Variants in EPB41L1 observed in about 807,000 individuals in gnomAD.
EPB41L1 encodes erythrocyte membrane protein band 4.1 like 1.
EPB41L1 carries 29 observed loss-of-function variants against 97.8 expected under a neutral mutation model. The ratio of observed to expected loss-of-function variants is 0.30; its 90% CI spans 0.22 to 0.40. The LOEUF (loss-of-function observed/expected upper bound fraction) is 0.40, where lower values mean the gene tolerates loss of function less well. Ranked by LOEUF, EPB41L1 falls within the 10% of genes least tolerant of loss-of-function variation. The pLI is 1.00. For missense variants in EPB41L1, 812 were observed against 1,162.3 expected, an observed-to-expected ratio of 0.70 and a Z score of 4.38; for synonymous variants, 383 against 459.2, an observed-to-expected ratio of 0.83 and a Z score of 2.12.
chr20:36,184,928 A>G (rs1471719986), intron 6 of EPB41L1, among the ~76,000 whole-genome samples, 189 bp from the exon 7 acceptor site: 2 of 152,256 alleles, frequency 1.3e-5, no homozygotes, highest in Admixed American at 1.3e-4. Flanking sequence ...AAAAATGCTT[A>G]AAGTCATGTG....
intron 1 of EPB41L1, among the ~76,000 whole-genome samples, chr20:36,166,863 C>CA (rs199803008): frequency 4.7e-5 from 7 of 149,996 alleles, no homozygotes; most frequent in South Asian, 2.1e-4. Flanking sequence ...AGACTGTCTC[C>CA]AAAAAAAAAG....
At chr20:36,222,003 G>A in intron 20 of EPB41L1, 59 bp downstream of exon 20, 1 of 1,565,930 alleles carries the variant, frequency 6.4e-7, no homozygotes, top group South Asian at 1.1e-5. Flanking sequence ...TCCCTCCTAT[G>A]TTGGGTTACC....
chr20:36,137,241 T>G (rs2059453186), intron 2 of EPB41L1, among the ~76,000 whole-genome samples: 1 of 151,602 alleles, frequency 6.6e-6, no homozygotes, highest in African/African-American at 2.4e-5. Context: ...CACACCTGGC[T>G]AATTTTTTAT....
chr20:36,218,010 C>T (rs571955720), intron 17 of EPB41L1, among the ~76,000 whole-genome samples: 4 of 152,188 alleles, frequency 2.6e-5, no homozygotes, highest in East Asian at 1.9e-4. Flanking sequence ...TGGGCCCTGG[C>T]GCCAGATCGG....
intron 1 of EPB41L1, among the ~76,000 whole-genome samples, chr20:36,103,824 T>C (rs1202052371): frequency 1.3e-5 from 2 of 151,216 alleles, no homozygotes; most frequent in Non-Finnish European, 2.9e-5. Context: ...TGCCTCAGCC[T>C]CCTGAGTAGC....
At chr20:36,216,383 C>T (rs952653666) in intron 17 of EPB41L1, among the ~76,000 whole-genome samples, 7 of 152,164 alleles carry the variant, frequency 4.6e-5, no homozygotes, top group South Asian at 4.2e-4. Context: ...GTCAAGCACA[C>T]GGAGGAGGAG....
At chr20:36,147,148 A>T (rs1453500553) in intron 2 of EPB41L1, among the ~76,000 whole-genome samples, 1 of 152,172 alleles carries the variant, frequency 6.6e-6, no homozygotes, top group Non-Finnish European at 1.5e-5. Context: ...ACCCTGTCTC[A>T]AAACAATAAT....
At chr20:36,171,780 GTGTC>G (rs991830256) in intron 1 of EPB41L1, among the ~76,000 whole-genome samples, 3 of 152,298 alleles carry the variant, frequency 2.0e-5, no homozygotes, top group East Asian at 1.9e-4. Context: ...GGTGGATGCT[GTGTC>G]TGTCTGTCTG....
rs760247351 is a variant in EPB41L1, at chr20:36,195,389, C to G, written c.1485+25C>G. ...GGTACTGCATGGGACCTGTCCCTCCCTACCCAGCCGTTCCCATCCCTAGCT... is the reference window on the plus strand; with the variant it reads ...GGTACTGCATGGGACCTGTCCCTCCGTACCCAGCCGTTCCCATCCCTAGCT... On this transcript the variant is annotated intron_variant, in intron 13 of 21. Coordinates refer to ENST00000338074, the MANE Select transcript of EPB41L1 (RefSeq NM_012156.2). This position sits in a 1 kb window ranked among gnomAD's most constrained non-coding sequence, Gnocchi z 4.6. The G allele has an allele frequency of 1.2e-6, 2 of 1,613,904 alleles. No individual in the cohort carries two copies. The highest frequency in any genetic ancestry group is 1.7e-6 in the Non-Finnish European group (2 of 1,179,860).
At chr20:36,197,211 T>C (rs1381043645) in intron 13 of EPB41L1, among the ~76,000 whole-genome samples, 1 of 152,206 alleles carries the variant, frequency 6.6e-6, no homozygotes, top group Non-Finnish European at 1.5e-5. Flanking sequence ...TGGTCCCTAG[T>C]GTGGGAGCTT....
At chr20:36,124,572 C>T (rs1026078920) in intron 2 of EPB41L1, among the ~76,000 whole-genome samples, 7 of 152,192 alleles carry the variant, frequency 4.6e-5, no homozygotes, top group African/African-American at 1.2e-4. Flanking sequence ...GGCTCTTTGC[C>T]GCCTTGGCTC....
chr20:36,161,454 TTTTG>T (rs1218922198), intron 1 of EPB41L1, among the ~76,000 whole-genome samples: 2 of 152,104 alleles, frequency 1.3e-5, no homozygotes, highest in East Asian at 1.9e-4. Flanking sequence ...CTTCTTATTT[TTTTG>T]TTTGTTTGTT....
rs150389879 is a variant in EPB41L1, at chr20:36,209,856, G to A, written c.2037G>A (p.Pro679=). 6.3e-5 allele frequency: 101 copies of A among 1,613,442 alleles called. No homozygotes were observed. The highest frequency in any genetic ancestry group is 4.4e-4 in the African/African-American group (33 of 74,906). The change falls in exon 15 of 22, where the codon CCG becomes CCA. Residue 679 remains proline, a synonymous_variant. Transcript: ENST00000338074. The surrounding 1 kb of genome is among the most constrained non-coding windows in gnomAD (Gnocchi z 4.2). ...AGTCTGGGGGCATTGAGGACAGCCC[G>A]GATCGAGGGGCCTGCTCCACCCCGG... ...DDESGGIEDS[P]DRGACSTPDM...
At chr20:36,114,462 A>C (rs886910754) in intron 2 of EPB41L1, among the ~76,000 whole-genome samples, 2 of 152,124 alleles carry the variant, frequency 1.3e-5, no homozygotes, top group East Asian at 3.9e-4. Context: ...TGCCACATAC[A>C]CAAGAGTAGT....
chr20:36,107,916 T>C (rs1301508587), intron 1 of EPB41L1, among the ~76,000 whole-genome samples: 1 of 152,044 alleles, frequency 6.6e-6, no homozygotes, highest in Non-Finnish European at 1.5e-5. Flanking sequence ...AAGTATAAAA[T>C]ACACACTGGA....
upstream of EPB41L1, chr20:36,154,612 C>A: frequency 1.1e-6 from 1 of 874,862 alleles, no homozygotes; most frequent in South Asian, 5.4e-5. The surrounding 1 kb of genome is among the most constrained non-coding windows in gnomAD (Gnocchi z 5.5). Flanking sequence ...GCGGCCGCCC[C>A]TGGGCTGGGC....
Position 36,207,876 on chromosome 20 carries a change from C to T in EPB41L1, c.1669-1612C>T. 1 of 1,173,478 alleles carries T rather than the reference C, an allele frequency of 8.5e-7. No homozygotes were observed. Among genetic ancestry groups the T allele is most frequent in the Non-Finnish European group, 1.1e-6 (1 of 920,568 alleles). The allele number at this position is 1,173,478 out of a possible 1,614,324, so 72.7% of individuals were successfully genotyped here. ...GTTTTTAGAAGCATGTTTCAGTGGC[C>T]CCTCGTCATTTCTGCAATCAGAGGC... On this transcript the variant is annotated intron_variant, in intron 14 of 21. Transcript: ENST00000338074. This position sits in a 1 kb window ranked among gnomAD's most constrained non-coding sequence, Gnocchi z 4.9.
chr20:36,229,252 G>A, intron 21 of EPB41L1, 80 bp from the exon 22 acceptor site: 2 of 1,186,168 alleles, frequency 1.7e-6, no homozygotes, highest in South Asian at 2.6e-5. Flanking sequence ...AGTGACAGAA[G>A]TTACTAATTT....
chr20:36,200,110 A>G (rs2062420407), intron 14 of EPB41L1, among the ~76,000 whole-genome samples: 1 of 152,144 alleles, frequency 6.6e-6, no homozygotes, highest in South Asian at 2.1e-4. Flanking sequence ...GGGGCCTTTG[A>G]AGATTTGGGA....
Sources: gnomAD v4.1 joint callset for allele counts (sites outside exome capture counted in the v4.1 genomes callset) on GRCh38, gnomAD v4.1.1 for gene constraint, Gnocchi (gnomAD v3.1) non-coding constraint, MANE v1.5 for transcripts, NCBI Gene and HGNC (gene_info 2026-07-23, HGNC 2026-07-21) for gene names.